The following SCML2 variants were observed in gnomAD, a reference collection of about 807,000 sequenced individuals.
SCML2 encodes sex comb on midleg-like protein 2.
In SCML2, 6 loss-of-function variants were observed where a neutral mutation model predicts 48.4. The ratio of observed to expected loss-of-function variants is 0.12; its 90% CI spans 0.07 to 0.24. SCML2 has a LOEUF of 0.24. Among genes scored for constraint, SCML2 ranks in the 10% least tolerant of loss-of-function variants. The pLI is 1.00. For synonymous variants in SCML2, 181 were observed against 189.5 expected, an observed-to-expected ratio of 0.95 and a Z score of 0.37; for missense variants, 377 against 528.2, an observed-to-expected ratio of 0.71 and a Z score of 2.81.
At chrX:18,286,407 G>A (rs1458059892) in intron 7 of SCML2, among the ~76,000 whole-genome samples, 3 of 111,999 alleles carry the variant, frequency 2.7e-5, no homozygotes, top group Non-Finnish European at 5.6e-5. Flanking sequence ...CATGCCAGCA[G>A]TGACCTTTAG....
chrX:18,322,589 C>T (rs57892323), intron 5 of SCML2, among the ~76,000 whole-genome samples: 2,027 of 111,883 alleles, frequency 0.018, 37 homozygotes, highest in African/African-American at 0.062. Flanking sequence ...AACATATCTC[C>T]AACTAGTTTT....
intron 1 of SCML2, among the ~76,000 whole-genome samples, chrX:18,344,425 A>T (rs1930134703): frequency 8.9e-6 from 1 of 111,935 alleles, no homozygotes; most frequent in Non-Finnish European, 1.9e-5. Context: ...CAAGGCTCCA[A>T]TACACCGTAT....
intron 7 of SCML2, among the ~76,000 whole-genome samples, chrX:18,274,410 G>A (rs1023273773): frequency 1.8e-5 from 2 of 112,282 alleles, no homozygotes; most frequent in Non-Finnish European, 3.8e-5. Flanking sequence ...AGGGGTCAGG[G>A]AAATATCCTG....
chrX:18,267,875 T>C (rs1927310046), intron 7 of SCML2, among the ~76,000 whole-genome samples: 1 of 111,296 alleles, frequency 9.0e-6, no homozygotes, highest in African/African-American at 3.3e-5. Context: ...GGATTACAGG[T>C]GTGAGCCACT....
Position 18,265,766 on chromosome X carries a change from G to C in SCML2, c.767C>G (p.Ser256Cys), listed in dbSNP as rs1365837607. Residue 256 changes from serine to cysteine, a missense_variant, in exon 8 of 15, where the codon TCT becomes TGT. Coordinates refer to ENST00000251900, the MANE Select transcript of SCML2 (RefSeq NM_006089.3). ...IVKNIAKTES[S>C]PSEASQHSMQ... ...TGAATGCTGGCTTGCTTCGGAAGGA[G>C]AAGACTCTGTTTTTGCTATATTCTT... 1 of 1,209,285 alleles carries C rather than the reference G, an allele frequency of 8.3e-7. No individual in the cohort carries two copies. The highest frequency in any genetic ancestry group is 1.8e-5 in the South Asian group (1 of 56,836).
chrX:18,241,044 G>A lies in SCML2; in HGVS notation c.*207C>T, dbSNP rs1926247931. 1.2e-5 allele frequency: 3 copies of A among 249,069 alleles called. No homozygotes were observed. The highest frequency in any genetic ancestry group is 2.2e-5 in the Non-Finnish European group (3 of 138,902). The allele number at this position is 249,069 out of a possible 1,213,427, so 20.5% of individuals were successfully genotyped here. ...AATGCTTTTTAAAGAAGTAGACTGG[G>A]GGAGTGGCGGCTGTGTCTCCCAAAG... On this transcript the variant is annotated 3_prime_UTR_variant, in exon 15 of 15. Coordinates refer to ENST00000251900, the MANE Select transcript of SCML2 (RefSeq NM_006089.3).
At chrX:18,271,269 A>G (rs186481573) in intron 7 of SCML2, among the ~76,000 whole-genome samples, 260 of 111,211 alleles carry the variant, frequency 2.3e-3, no homozygotes, top group African/African-American at 8.1e-3. Flanking sequence ...ACATGAGGAA[A>G]CATAGGCTCT....
At chrX:18,323,665 C>T (rs1368314653) in intron 5 of SCML2, among the ~76,000 whole-genome samples, 194 bp downstream of exon 5, 1 of 111,258 alleles carries the variant, frequency 9.0e-6, no homozygotes, top group East Asian at 2.8e-4. Flanking sequence ...ACACATATGC[C>T]AAATATGTAC....
chrX:18,323,089 G>C (rs1287004785), intron 5 of SCML2, among the ~76,000 whole-genome samples: 1 of 110,905 alleles, frequency 9.0e-6, no homozygotes, highest in Non-Finnish European at 1.9e-5. Flanking sequence ...TTTGCAACAA[G>C]GAATTTTCAT....
At chrX:18,339,489 C>T (rs1929944486) in intron 1 of SCML2, among the ~76,000 whole-genome samples, 1 of 112,075 alleles carries the variant, frequency 8.9e-6, no homozygotes. Context: ...AGGAGGATCA[C>T]TTGAGGCCAG....
chrX:18,254,843 GAA>G (rs1437352736), intron 11 of SCML2, among the ~76,000 whole-genome samples: 1 of 111,327 alleles, frequency 9.0e-6, no homozygotes, highest in Non-Finnish European at 1.9e-5. Context: ...AGAATCACTT[GAA>G]CCCAGGAGGC....
chrX:18,251,756 A>G (rs1263264477), intron 11 of SCML2, among the ~76,000 whole-genome samples: 1 of 112,365 alleles, frequency 8.9e-6, no homozygotes, highest in Non-Finnish European at 1.9e-5. Flanking sequence ...TAACCATATG[A>G]CCCAACAATT....
At chrX:18,318,200 G>C (rs1929194434) in intron 6 of SCML2, among the ~76,000 whole-genome samples, 2 of 112,764 alleles carry the variant, frequency 1.8e-5, no homozygotes, top group Admixed American at 9.4e-5. Context: ...CAAAGGGCCT[G>C]TGCTGCCTGT....
intron 7 of SCML2, among the ~76,000 whole-genome samples, chrX:18,296,227 G>A (rs549964689): frequency 1.8e-5 from 2 of 110,794 alleles, no homozygotes; most frequent in South Asian, 7.6e-4. Flanking sequence ...AAACAATTCA[G>A]GTTGTGAATG....
chrX:18,330,002 CG>C (rs1569162135), intron 3 of SCML2, among the ~76,000 whole-genome samples: 1 of 111,973 alleles, frequency 8.9e-6, no homozygotes. Flanking sequence ...CGCTTGAACC[CG>C]GAAGGTGGAG....
At chrX:18,336,353 C>T (rs1472982304) in intron 1 of SCML2, among the ~76,000 whole-genome samples, 1 of 103,700 alleles carries the variant, frequency 9.6e-6, no homozygotes, top group African/African-American at 3.6e-5. Context: ...GCAGGAGGAG[C>T]ACTTGAACCC....
chrX:18,269,152 G>A (rs1372811665), intron 7 of SCML2, among the ~76,000 whole-genome samples: 2 of 111,485 alleles, frequency 1.8e-5, no homozygotes, highest in African/African-American at 6.5e-5. Flanking sequence ...ATTTTCCAAG[G>A]TCATTAAGTG....
At chrX:18,270,798 T>C (rs962585173) in intron 7 of SCML2, among the ~76,000 whole-genome samples, 3 of 111,519 alleles carry the variant, frequency 2.7e-5, no homozygotes, top group Non-Finnish European at 5.6e-5. Context: ...TATAAAACTT[T>C]ATATGTTCAT....
intron 7 of SCML2, among the ~76,000 whole-genome samples, chrX:18,283,174 C>T (rs1927925328): frequency 8.9e-6 from 1 of 112,183 alleles, no homozygotes; most frequent in African/African-American, 3.2e-5. Flanking sequence ...TGATTCAACA[C>T]ATAAACAGAA....
Sources: gnomAD v4.1 joint callset for allele counts (sites outside exome capture counted in the v4.1 genomes callset) on GRCh38, gnomAD v4.1.1 for gene constraint, MANE v1.5 for transcripts, NCBI Gene and HGNC (gene_info 2026-07-23, HGNC 2026-07-21) for gene names.